SHANK2: variants seen among roughly 807,000 people sequenced by gnomAD.
The protein encoded by SHANK2 is SH3 and multiple ankyrin repeat domains 2, also known as SH3 and multiple ankyrin repeat domains protein 2.
In SHANK2, 43 loss-of-function variants were observed where a neutral mutation model predicts 133.7. The ratio of observed to expected loss-of-function variants is 0.32; its 90% confidence interval spans 0.25 to 0.41. The LOEUF is 0.41. SHANK2 is among the 10% of genes least tolerant of loss of function. The pLI is 1.00. For synonymous variants in SHANK2, 1,017 were observed against 952.8 expected, an observed-to-expected ratio of 1.07 and a Z score of -1.24; for missense variants, 1,994 against 2,235.8, an observed-to-expected ratio of 0.89 and a Z score of 2.18.
rs911234681 is a variant in SHANK2, at chr11:70,498,750, A to G, written c.2308+1820T>C. On this transcript the variant is annotated intron_variant, in intron 21 of 25. Coordinates refer to ENST00000601538, the MANE Select transcript of SHANK2 (RefSeq NM_012309.5). ...TGACCATGCACGGGGGGCTTAAAAC[A>G]ATGGAAACGTATCCCTGCACAGTTC... Among the ~76,000 whole-genome samples, 3 of 152,174 alleles carry G rather than the reference A, an allele frequency of 2.0e-5. No homozygotes were observed. In the East Asian group the frequency reaches 5.8e-4, roughly 29 times the overall value.
chr11:70,806,048 C>T (rs112041450), intron 13 of SHANK2, among the ~76,000 whole-genome samples: 8 of 152,358 alleles, frequency 5.3e-5, no homozygotes, highest in South Asian at 2.1e-4. Flanking sequence ...ATCAGTGTGT[C>T]GCGCAGAGAA....
intron 11 of SHANK2, 27 bp downstream of exon 11, chr11:70,896,474 A>G (rs2135661794): frequency 1.4e-6 from 1 of 704,374 alleles, no homozygotes; most frequent in Non-Finnish European, 2.7e-6. Context: ...CCAAATCCCA[A>G]CACAGTTTCT....
rs541983129 is a variant in SHANK2, at chr11:70,838,792, C to T, written c.1175-18110G>A. ...TTTATGTGTAGACTTCAGGGCCCTCCACTTTCCAGGATTTCTATTGACTTC... is the reference window on the plus strand; with the variant it reads ...TTTATGTGTAGACTTCAGGGCCCTCTACTTTCCAGGATTTCTATTGACTTC... On this transcript the variant is annotated intron_variant, in intron 11 of 25. Coordinates refer to ENST00000601538, the MANE Select transcript of SHANK2 (RefSeq NM_012309.5). Among the ~76,000 whole-genome samples the T allele has an allele frequency of 7.9e-5, 12 of 152,312 alleles. No homozygotes were observed. In the East Asian group the frequency reaches 1.7e-3, roughly 22 times the overall value.
intron 14 of SHANK2, among the ~76,000 whole-genome samples, chr11:70,734,845 C>T (rs1946368829): frequency 6.6e-6 from 1 of 152,224 alleles, no homozygotes; most frequent in Non-Finnish European, 1.5e-5. Context: ...GGACGGCCCT[C>T]CTGCCACCAC....
At position 70,470,974 on chromosome 11, in the gene SHANK2, A is replaced by G. The variant is rs1555148355; in HGVS notation, c.*1895T>C. 2 of 261,938 alleles carry G rather than the reference A, an allele frequency of 7.6e-6. No homozygotes were observed. The highest frequency in any genetic ancestry group is 1.4e-5 in the Non-Finnish European group (2 of 140,558). The allele number at this position is 261,938 out of a possible 1,614,324, so 16.2% of individuals were successfully genotyped here. ...CTAGCAAAGATAGAAAATATAACAC[A>G]GCTCTGCTGGTTCAGATGCATCCAA... On this transcript the variant is annotated 3_prime_UTR_variant, in exon 26 of 26. Transcript: ENST00000601538.
intron 14 of SHANK2, among the ~76,000 whole-genome samples, chr11:70,743,426 G>C (rs981418630): frequency 7.9e-5 from 12 of 152,316 alleles, no homozygotes; most frequent in Non-Finnish European, 1.3e-4. Context: ...TGGCACAAAG[G>C]CTGCTGTCTG....
chr11:70,938,685 A>T (rs1448971566), intron 10 of SHANK2, among the ~76,000 whole-genome samples: 10 of 152,184 alleles, frequency 6.6e-5, no homozygotes, highest in African/African-American at 2.4e-4. Flanking sequence ...ATGGGCAGCC[A>T]GCCAAGGACA....
intron 10 of SHANK2, among the ~76,000 whole-genome samples, chr11:70,912,060 C>T (rs7936712): frequency 8.0e-4 from 97 of 121,666 alleles, no homozygotes; most frequent in African/African-American, 3.0e-3. Context: ...CCAGCCTGGG[C>T]AACAGAGTGA....
In SHANK2 at chr11:70,946,343, CCCTCTCCACT is replaced by C. The variant is rs1590861728; in HGVS notation, c.1108-49786_1108-49777del. 9.5e-5 allele frequency among the ~76,000 whole-genome samples: 14 copies of C among 147,868 alleles called. 1 individual carries two copies. The highest frequency in any genetic ancestry group is 2.2e-4 in the South Asian group (1 of 4,538). On this transcript the variant is annotated intron_variant, in intron 10 of 25. Coordinates refer to ENST00000601538, the MANE Select transcript of SHANK2 (RefSeq NM_012309.5). ...AACCAACACTTCCCAGGATCAGCCTCCCTCTCCACTAACCAACACTTCCCAGGATCAGCCT... is the reference window on the plus strand; with the variant it reads ...AACCAACACTTCCCAGGATCAGCCTCAACCAACACTTCCCAGGATCAGCCT...
chr11:70,786,999 GCATCACCACGACCAC>G (rs1947668748), intron 14 of SHANK2, among the ~76,000 whole-genome samples: 1 of 124,736 alleles, frequency 8.0e-6, no homozygotes, highest in South Asian at 2.7e-4. Context: ...ATCACCACCA[GCATCACCACGACCAC>G]CATCACCAGC....
intron 10 of SHANK2, among the ~76,000 whole-genome samples, chr11:70,943,690 G>A (rs1950678351): frequency 6.6e-6 from 1 of 152,178 alleles, no homozygotes; most frequent in South Asian, 2.1e-4. Context: ...GCCAGATCAG[G>A]AGACGGAGAA....
chr11:71,154,201 CT>C (rs1463853378), intron 2 of SHANK2, among the ~76,000 whole-genome samples: 1 of 152,200 alleles, frequency 6.6e-6, no homozygotes, highest in Non-Finnish European at 1.5e-5. Context: ...CGAGGCTCCC[CT>C]GGTGCCGTTT....
chr11:70,699,260 A>G (rs1945469355), intron 14 of SHANK2, among the ~76,000 whole-genome samples: 2 of 151,380 alleles, frequency 1.3e-5, no homozygotes, highest in Admixed American at 1.3e-4. Context: ...AAAAAAAAAA[A>G]GCACCAAACC....
At chr11:70,490,790 C>G (rs1021473895) in intron 22 of SHANK2, among the ~76,000 whole-genome samples, 2 of 152,222 alleles carry the variant, frequency 1.3e-5, no homozygotes, top group African/African-American at 4.8e-5. Flanking sequence ...CCCCACTCCC[C>G]ATGTGCCATG....
At chr11:70,777,180 C>T (rs1555044089) in intron 14 of SHANK2, among the ~76,000 whole-genome samples, 2 of 151,608 alleles carry the variant, frequency 1.3e-5, no homozygotes, top group Non-Finnish European at 2.9e-5. Context: ...CTCATCCACC[C>T]ATCCATTTAC....
intron 11 of SHANK2, among the ~76,000 whole-genome samples, chr11:70,825,217 G>GA (rs34899583): frequency 4.6e-5 from 7 of 150,848 alleles, no homozygotes; most frequent in South Asian, 2.1e-4. Context: ...AACTCATTAG[G>GA]AAAAAAAAAG....
At chr11:70,922,448 G>A (rs1950365294) in intron 10 of SHANK2, among the ~76,000 whole-genome samples, 1 of 152,024 alleles carries the variant, frequency 6.6e-6, no homozygotes, top group Non-Finnish European at 1.5e-5. Context: ...AACATAGCTA[G>A]GCACACAAAT....
At chr11:71,177,983 A>G (rs1485353744) in intron 2 of SHANK2, among the ~76,000 whole-genome samples, 1 of 152,232 alleles carries the variant, frequency 6.6e-6, no homozygotes, top group Non-Finnish European at 1.5e-5. Context: ...GCTAGTAGAA[A>G]TGTAAATGGC....
At chr11:70,778,449 T>C (rs1455916327) in intron 14 of SHANK2, among the ~76,000 whole-genome samples, 1 of 152,196 alleles carries the variant, frequency 6.6e-6, no homozygotes, top group Non-Finnish European at 1.5e-5. Flanking sequence ...AAAACTCCTA[T>C]GCTGAAGCCA....
Sources: allele counts gnomAD v4.1 joint callset (sites outside exome capture counted in the v4.1 genomes callset), GRCh38; gene constraint gnomAD v4.1.1; transcripts MANE v1.5; gene names NCBI Gene and HGNC (gene_info 2026-07-23, HGNC 2026-07-21).